NAE1: variants seen among roughly 807,000 people sequenced by gnomAD.
NAE1 encodes the protein NEDD8 activating enzyme E1 subunit 1.
A neutral mutation model predicts 88.0 loss-of-function variants in NAE1; 59 were observed. That is an observed-to-expected ratio of 0.67 (90% CI 0.54 to 0.83). The LOEUF (loss-of-function observed/expected upper bound fraction) is 0.83. Among genes scored for constraint, NAE1 ranks in the 40% least tolerant of loss-of-function variants. The pLI, the probability that NAE1 is intolerant of heterozygous loss-of-function variation, is 0.00. For synonymous variants in NAE1, 186 were observed against 208.9 expected (o/e 0.89, Z 0.95); for missense variants, 554 against 632.8 (o/e 0.88, Z 1.34).
In NAE1 at chr16:66,830,905, C is replaced by T. The variant is rs554092208; in HGVS notation, c.-6G>A. The T allele has an allele frequency of 3.1e-5, 48 of 1,532,210 alleles. No individual in the cohort carries two copies. In the South Asian group the frequency reaches 5.4e-4, roughly 17 times the overall value. The allele number at this position is 1,532,210 out of a possible 1,614,324, so 94.9% of individuals were successfully genotyped here. On this transcript the variant is annotated 5_prime_UTR_variant, in exon 1 of 20. Transcript: ENST00000290810. ...AGCTTTCCCAGCTGCGCCATGGCCG[C>T]GCCTGCCGCGCGGAAAACAGCCGAG... is the stretch of plus-strand genomic sequence containing the variant.
chr16:66,830,077 G>A (rs1471033215), intron 1 of NAE1, among the ~76,000 whole-genome samples: 2 of 152,060 alleles, frequency 1.3e-5, no homozygotes, highest in African/African-American at 2.4e-5. Flanking sequence ...AATAGAAACA[G>A]GGTTTCACCA....
chr16:66,805,671 G>T, intron 19 of NAE1, 106 bp downstream of exon 19: 2 of 896,320 alleles, frequency 2.2e-6, no homozygotes, highest in Non-Finnish European at 3.1e-6. Flanking sequence ...ATAACATCCT[G>T]CTTCACTGAC....
chr16:66,826,968 GGTTAGGGGAAAA>G (rs1226282547), intron 1 of NAE1, among the ~76,000 whole-genome samples, 188 bp from the exon 2 acceptor site: 1 of 152,146 alleles, frequency 6.6e-6, no homozygotes, highest in Non-Finnish European at 1.5e-5. Context: ...TGCCTTGAAT[GGTTAGGGGAAAA>G]GAGGGAGAGG....
intron 6 of NAE1, 80 bp downstream of exon 6, chr16:66,823,146 TC>T: frequency 1.7e-6 from 1 of 600,574 alleles, no homozygotes; most frequent in Non-Finnish European, 2.5e-6. Flanking sequence ...TAAAACCATA[TC>T]ATCATAGACT....
intron 7 of NAE1, among the ~76,000 whole-genome samples, chr16:66,820,086 T>C (rs1184944330): frequency 6.6e-6 from 1 of 152,180 alleles, no homozygotes; most frequent in Non-Finnish European, 1.5e-5. Context: ...TTTCAACTCT[T>C]AAATGGCTCA....
At chr16:66,824,810 GC>G (rs1278754874) in intron 4 of NAE1, 44 bp downstream of exon 4, 1 of 1,523,802 alleles carries the variant, frequency 6.6e-7, no homozygotes, top group African/African-American at 1.4e-5. Flanking sequence ...AAACACAGGG[GC>G]ATCATTAGAT....
chr16:66,810,467 AG>A, intron 14 of NAE1, 54 bp from the exon 15 acceptor site: 1 of 1,497,282 alleles, frequency 6.7e-7, no homozygotes, highest in Non-Finnish European at 9.2e-7. Flanking sequence ...AGATTAACAA[AG>A]GGTGCGGCAC....
At chr16:66,810,248 TTATCTA>T (rs112101593) in intron 15 of NAE1, 120 bp downstream of exon 15, 11,588 of 721,378 alleles carry the variant, frequency 0.016, 413 homozygotes, top group South Asian at 0.095. Flanking sequence ...TACCCAATAA[TTATCTA>T]TATCTATATC....
intron 10 of NAE1, 66 bp from the exon 11 acceptor site, chr16:66,816,738 A>G (rs1042174704): frequency 7.4e-7 from 1 of 1,352,708 alleles, no homozygotes. Context: ...CCCCATTATA[A>G]AAATAACCTT....
At chr16:66,824,728 T>C in intron 4 of NAE1, 127 bp downstream of exon 4, 2 of 814,928 alleles carry the variant, frequency 2.5e-6, no homozygotes, top group Non-Finnish European at 3.8e-6. Context: ...TTTACAAGAT[T>C]ACAAAAATTA....
chr16:66,805,727 G>T (rs369024756), intron 19 of NAE1, 50 bp downstream of exon 19: 1 of 1,323,720 alleles, frequency 7.6e-7, no homozygotes. Context: ...TATTAAAATA[G>T]TAACTGTACT....
chr16:66,811,347 G>A (rs1233527256), intron 13 of NAE1, among the ~76,000 whole-genome samples: 1 of 151,942 alleles, frequency 6.6e-6, no homozygotes, highest in Non-Finnish European at 1.5e-5. Flanking sequence ...TTGTAGAGAC[G>A]GAGTTTCACC....
chr16:66,830,963 C>T lies in NAE1; in HGVS notation c.-64G>A. 2.1e-6 allele frequency: 3 copies of T among 1,428,496 alleles called. No homozygotes were observed. The highest frequency in any genetic ancestry group is 9.2e-7 in the Non-Finnish European group (1 of 1,085,878). 88.5% of individuals were successfully genotyped at this position (1,428,496 alleles called of 1,614,324 possible). A position where few individuals can be genotyped will look rare whatever the true frequency, so the allele number is the denominator to read the frequency against. ...GGAGCGCCGCCACCAGCTCCACAAG[C>T]GCGCAGGCGCACTGAGCGCCCCTTC... On this transcript the variant is annotated 5_prime_UTR_variant, in exon 1 of 20. Coordinates refer to ENST00000290810, the MANE Select transcript of NAE1 (RefSeq NM_003905.4).
chr16:66,826,157 A>G (rs1960456499), intron 3 of NAE1: 1 of 201,884 alleles, frequency 5.0e-6, no homozygotes, highest in African/African-American at 2.3e-5. Context: ...GACACTGTAA[A>G]GAGAGATACC....
chr16:66,816,657 T>C lies in NAE1; in HGVS notation c.764A>G (p.Glu255Gly). 1 of 1,611,026 alleles carries C rather than the reference T, an allele frequency of 6.2e-7. No individual in the cohort carries two copies. The highest frequency in any genetic ancestry group is 1.1e-5 in the South Asian group (1 of 90,772). The stretch of plus-strand genomic sequence containing the variant: ...CTCTTCATCTTCTGGAGCCCCATTT[T>C]CATTTTTTAGAATTCCTATTGTAAT... ...DLIRQGILKN[E>G]NGAPEDEENF... Residue 255 changes from glutamate (E) to glycine (G), a missense_variant, in exon 11 of 20, where the codon GAA becomes GGA. Physicochemically the swap from Glu to Gly is moderately conservative, Grantham distance 98. Coordinates refer to ENST00000290810, the MANE Select transcript of NAE1 (RefSeq NM_003905.4).
intron 14 of NAE1, 110 bp downstream of exon 14, chr16:66,810,587 G>C: frequency 8.9e-7 from 1 of 1,125,800 alleles, no homozygotes; most frequent in East Asian, 2.4e-5. Flanking sequence ...GGAAATGACA[G>C]CTCCCTCTAA....
At position 66,830,747 on chromosome 16, in the gene NAE1, G is replaced by T. The variant is rs895495317; in HGVS notation, c.53+100C>A. The T allele has an allele frequency of 7.7e-6, 9 of 1,170,804 alleles. No homozygotes were observed. In the African/African-American group the frequency reaches 1.5e-4, roughly 19 times the overall value. The allele number at this position is 1,170,804 out of a possible 1,614,324, so 72.5% of individuals were successfully genotyped here. A position where few individuals can be genotyped will look rare whatever the true frequency, so the allele number is the denominator to read the frequency against. On this transcript the variant is annotated intron_variant, in intron 1 of 19. Coordinates refer to ENST00000290810, the MANE Select transcript of NAE1 (RefSeq NM_003905.4). ...CACGGCCCGGCCCAGCCTGGAAGAA[G>T]GCCTGAGGAAGGCCCGACCGCGCCG... is the stretch of plus-strand genomic sequence containing the variant.
chr16:66,808,020 A>G (rs746450405), intron 17 of NAE1, among the ~76,000 whole-genome samples: 19 of 151,958 alleles, frequency 1.3e-4, no homozygotes, highest in Non-Finnish European at 2.2e-4. Flanking sequence ...CCTCCCGAGT[A>G]GCTGAGTCTA....
chr16:66,809,044 T>C lies in NAE1; in HGVS notation c.1182A>G (p.Arg394=), dbSNP rs373629649. The C allele has an allele frequency of 3.5e-5, 57 of 1,612,704 alleles. No individual in the cohort carries two copies. The African/African-American group carries it at 4.9e-4, about 14-fold the overall frequency. ...CSNSAFLRVV[R]CRSLAEEYGL... is the part of the protein sequence containing the mutation. The stretch of plus-strand genomic sequence containing the variant: ...CATATTCTTCAGCTAAGGATCGACA[T>C]CTTACCACTCGAAGAAATGCAGAAT... The change falls in exon 16 of 20, where the codon AGA becomes AGG. Residue 394 remains arginine, a synonymous_variant. Transcript: ENST00000290810.
Sources: allele counts gnomAD v4.1 joint callset (sites outside exome capture counted in the v4.1 genomes callset), GRCh38; gene constraint gnomAD v4.1.1; transcripts MANE v1.5; gene names NCBI Gene and HGNC (gene_info 2026-07-23, HGNC 2026-07-21).